The following PALM2AKAP2 variants were observed in gnomAD, a reference collection of about 807,000 sequenced individuals.
The protein encoded by PALM2AKAP2 is PALM2 and AKAP2 fusion.
A neutral mutation model predicts 71.5 loss-of-function variants in PALM2AKAP2; 37 were observed. The observed-to-expected ratio is 0.52, with a 90% CI of 0.40 to 0.68. The LOEUF (loss-of-function observed/expected upper bound fraction) is 0.68, where lower values mean the gene tolerates loss of function less well. Among genes scored for constraint, PALM2AKAP2 ranks in the 30% least tolerant of loss-of-function variants. PALM2AKAP2 has a pLI of 0.00. For missense variants in PALM2AKAP2, 1,224 were observed against 1,191.8 expected (o/e 1.03, Z -0.40); for synonymous variants, 468 against 478.8 (o/e 0.98, Z 0.29).
intron 1 of PALM2AKAP2, among the ~76,000 whole-genome samples, chr9:109,676,868 A>G (rs531876104): frequency 6.6e-6 from 1 of 152,342 alleles, no homozygotes; most frequent in East Asian, 1.9e-4. Flanking sequence ...TGCATTAAGC[A>G]AGTATTAAAT....
At chr9:110,054,815 T>C (rs565931321) in intron 1 of PALM2AKAP2, among the ~76,000 whole-genome samples, 40 of 152,260 alleles carry the variant, frequency 2.6e-4, no homozygotes, top group Non-Finnish European at 1.3e-4. Flanking sequence ...CAAGCAGTCC[T>C]CCCACCTCGG....
chr9:109,893,278 C>A (rs1830126819), intron 3 of PALM2AKAP2, among the ~76,000 whole-genome samples: 1 of 152,172 alleles, frequency 6.6e-6, no homozygotes, highest in Admixed American at 6.6e-5. Context: ...GCAGGAATTC[C>A]AGGACTGCTG....
At chr9:109,877,662 C>T (rs1399574362) in intron 2 of PALM2AKAP2, among the ~76,000 whole-genome samples, 1 of 152,142 alleles carries the variant, frequency 6.6e-6, no homozygotes, top group Non-Finnish European at 1.5e-5. Flanking sequence ...CTCCTTTAAT[C>T]CTCATAACAA....
chr9:110,096,957 T>TTTA (rs779557972), intron 1 of PALM2AKAP2, among the ~76,000 whole-genome samples: 8,014 of 141,296 alleles, frequency 0.057, 290 homozygotes, highest in Non-Finnish European at 0.082. Context: ...TATTTATTTA[T>TTTA]TTATTATTTT....
rs114667321 is a variant in PALM2AKAP2, at chr9:110,123,241, C to T, written c.157-12886C>T. Among the ~76,000 whole-genome samples the T allele has an allele frequency of 2.7e-3, 406 of 152,254 alleles. 1 individual carries two copies. The highest frequency in any genetic ancestry group is 8.1e-3 in the African/African-American group (336 of 41,546). On this transcript the variant is annotated intron_variant, in intron 1 of 3. Transcript: ENST00000374525. The stretch of plus-strand genomic sequence containing the variant: ...GGTATCACACATTGGTGGGGGGAGG[C>T]TTAAACAACAGAAATTTATAGTCTT...
At chr9:110,039,306 GTTCATTTAGTACAGTA>G (rs1332225149) in intron 7 of PALM2AKAP2, among the ~76,000 whole-genome samples, 1 of 152,090 alleles carries the variant, frequency 6.6e-6, no homozygotes, top group African/African-American at 2.4e-5. Flanking sequence ...CTCTTAAAGT[GTTCATTTAGTACAGTA>G]TTATTAACTG....
intron 1 of PALM2AKAP2, among the ~76,000 whole-genome samples, chr9:109,809,324 A>G (rs1251804737): frequency 6.6e-6 from 1 of 152,192 alleles, no homozygotes; most frequent in Non-Finnish European, 1.5e-5. Context: ...GGCCATGGGA[A>G]CCCACCTCTT....
At chr9:110,142,894 G>C (rs1311269671) in intron 2 of PALM2AKAP2, among the ~76,000 whole-genome samples, 1 of 152,188 alleles carries the variant, frequency 6.6e-6, no homozygotes, top group Non-Finnish European at 1.5e-5. Flanking sequence ...TTTTAAAGGA[G>C]TAATTATCTG....
intron 1 of PALM2AKAP2, among the ~76,000 whole-genome samples, chr9:109,791,520 G>C (rs906918134): frequency 6.6e-6 from 1 of 152,062 alleles, no homozygotes; most frequent in Middle Eastern, 3.4e-3. Flanking sequence ...GGGAGATAGG[G>C]CACCCCAGGC....
At chr9:110,100,051 C>CTATATACATA (rs1554751768) in intron 1 of PALM2AKAP2, among the ~76,000 whole-genome samples, 1 of 109,464 alleles carries the variant, frequency 9.1e-6, no homozygotes, top group African/African-American at 3.2e-5. Flanking sequence ...GTATGTGTGT[C>CTATATACATA]TATATATATA....
chr9:110,013,995 A>G (rs1832928728), intron 6 of PALM2AKAP2, among the ~76,000 whole-genome samples: 1 of 152,174 alleles, frequency 6.6e-6, no homozygotes, highest in Non-Finnish European at 1.5e-5. Context: ...ACTCATGCTC[A>G]TTTGTTTCTA....
chr9:109,790,818 A>T (rs1289052664), intron 1 of PALM2AKAP2, among the ~76,000 whole-genome samples: 1 of 152,242 alleles, frequency 6.6e-6, no homozygotes, highest in African/African-American at 2.4e-5. Context: ...GAACTGTGAG[A>T]CATATCTAAA....
At chr9:109,705,176 T>C (rs375878696) in intron 1 of PALM2AKAP2, among the ~76,000 whole-genome samples, 2 of 152,208 alleles carry the variant, frequency 1.3e-5, no homozygotes, top group Non-Finnish European at 2.9e-5. Flanking sequence ...ACCCTCCTCA[T>C]TGACTTGGAA....
chr9:109,662,475 A>T (rs1330749890), intron 1 of PALM2AKAP2, among the ~76,000 whole-genome samples: 1 of 152,078 alleles, frequency 6.6e-6, no homozygotes, highest in Non-Finnish European at 1.5e-5. Flanking sequence ...ACGTTTATTG[A>T]TTTGTGTATA....
intron 1 of PALM2AKAP2, among the ~76,000 whole-genome samples, chr9:110,051,719 C>A (rs957398953): frequency 1.3e-5 from 2 of 152,106 alleles, no homozygotes; most frequent in Admixed American, 1.3e-4. Flanking sequence ...GACTCAACGC[C>A]AGTAGAATTG....
intron 6 of PALM2AKAP2, among the ~76,000 whole-genome samples, chr9:109,966,811 G>A (rs1831958262): frequency 6.6e-6 from 1 of 152,296 alleles, no homozygotes; most frequent in South Asian, 2.1e-4. Flanking sequence ...GCAGGTTCTG[G>A]TTCAGTAGGT....
chr9:109,975,434 A>T (rs767604264), intron 6 of PALM2AKAP2, among the ~76,000 whole-genome samples: 3 of 152,206 alleles, frequency 2.0e-5, no homozygotes, highest in African/African-American at 7.2e-5. Flanking sequence ...GCCCACCCAC[A>T]CTGGTGAAGG....
intron 1 of PALM2AKAP2, among the ~76,000 whole-genome samples, chr9:109,802,794 T>G (rs1827469401): frequency 6.6e-6 from 1 of 152,226 alleles, no homozygotes; most frequent in Non-Finnish European, 1.5e-5. Context: ...GTGGTTACTT[T>G]CCAGGGCTGC....
chr9:109,922,181 A>G (rs1442414304), intron 3 of PALM2AKAP2, among the ~76,000 whole-genome samples: 2 of 151,972 alleles, frequency 1.3e-5, no homozygotes, highest in South Asian at 2.1e-4. Flanking sequence ...GCACTTTGGG[A>G]GCCTGAGGCA....
Sources: allele counts gnomAD v4.1 joint callset (sites outside exome capture counted in the v4.1 genomes callset), GRCh38; gene constraint gnomAD v4.1.1; transcripts MANE v1.5; gene names NCBI Gene and HGNC (gene_info 2026-07-23, HGNC 2026-07-21).